The following LAMA3 variants were observed in gnomAD, a reference collection of about 807,000 sequenced individuals.
LAMA3 encodes the protein laminin subunit alpha-3.
Under a neutral mutation model 402.0 loss-of-function variants are expected in LAMA3, and 281 were observed. That is an observed-to-expected ratio of 0.70 (90% CI 0.63 to 0.77). The LOEUF (loss-of-function observed/expected upper bound fraction) is 0.77. LAMA3 is among the 30% of genes least tolerant of loss of function. The pLI, the probability that LAMA3 is intolerant of heterozygous loss-of-function variation, is 0.00. For synonymous variants in LAMA3, 1,431 were observed against 1,558.4 expected (o/e 0.92, Z 1.93); for missense variants, 3,840 against 4,215.5 (o/e 0.91, Z 2.47).
Position 23,840,377 on chromosome 18 carries a change from C to CTTTTT in LAMA3, c.3336+451_3336+452insTTTTT, listed in dbSNP as rs201657216. Among the ~76,000 whole-genome samples the CTTTTT allele has an allele frequency of 8.4e-4, 67 of 79,502 alleles. 7 individuals carry two copies. The highest frequency in any genetic ancestry group is 2.8e-3 in the South Asian group (7 of 2,532). The allele number at this position is 79,502 out of a possible 152,430, so 52.2% of individuals were successfully genotyped here. A position where few individuals can be genotyped will look rare whatever the true frequency, so the allele number is the denominator to read the frequency against. On this transcript the variant is annotated intron_variant, in intron 27 of 74. Transcript: ENST00000313654. ...ATAGTTATTGTAGCCAAGAACCTTT[C>CTTTTT]TTTCTTTTTTTTTTTTTTTTTTTGA...
At chr18:23,928,584 T>C (rs1259057955) in intron 63 of LAMA3, 41 bp from the exon 64 acceptor site, 1 of 1,604,092 alleles carries the variant, frequency 6.2e-7, no homozygotes, top group African/African-American at 1.3e-5. Context: ...AGCCAAGAAA[T>C]GATTACAATG....
At position 23,847,501 on chromosome 18, in the gene LAMA3, G is replaced by C; in HGVS notation, c.3969G>C (p.Thr1323=). Residue 1323 remains threonine, a synonymous_variant, in exon 32 of 75, where the codon ACG becomes ACC. Coordinates refer to ENST00000313654, the MANE Select transcript of LAMA3 (RefSeq NM_198129.4). ...GTCGGCGCCTTTGTGAAGAGATGAC[G>C]GGGCAGTGCCGCTGCCCTCCCCGCA... ...SCGRRLCEEM[T]GQCRCPPRTV... 6.2e-7 allele frequency: 1 copy of C among 1,613,388 alleles called. No individual in the cohort carries two copies. Among genetic ancestry groups the C allele is most frequent in the Non-Finnish European group, 8.5e-7 (1 of 1,179,744 alleles).
Position 23,813,038 on chromosome 18 carries a change from AT to A in LAMA3, c.1742-16del, listed in dbSNP as rs768789176. The A allele has an allele frequency of 1.2e-5, 19 of 1,582,390 alleles. No individual in the cohort carries two copies. The Admixed American group carries it at 3.2e-4, about 26-fold the overall frequency. On this transcript the variant is annotated intron_variant, in intron 13 of 74. Transcript: ENST00000313654. ...AAACAAACTACCAGATAATTTAAAA[AT>A]TTCTGAATCATATTCAGGTTCCAGC...
chr18:23,943,984 G>A lies in LAMA3; in HGVS notation c.9210+13G>A. 1 of 1,612,558 alleles carries A rather than the reference G, an allele frequency of 6.2e-7. No homozygotes were observed. Among genetic ancestry groups the A allele is most frequent in the Non-Finnish European group, 8.5e-7 (1 of 1,179,016 alleles). On this transcript the variant is annotated intron_variant, in intron 69 of 74. Coordinates refer to ENST00000313654, the MANE Select transcript of LAMA3 (RefSeq NM_198129.4). ...GAAATGGCACACGGTAAGAGCTGGGGCTGTGTCAGTATCTCCAGTTGGTGT... is the reference window on the plus strand; with the variant it reads ...GAAATGGCACACGGTAAGAGCTGGGACTGTGTCAGTATCTCCAGTTGGTGT...
At chr18:23,825,594 G>A (rs528554063) in intron 21 of LAMA3, among the ~76,000 whole-genome samples, 1 of 152,066 alleles carries the variant, frequency 6.6e-6, no homozygotes, top group South Asian at 2.1e-4. Context: ...AGACAACAAA[G>A]GAACATCAGA....
chr18:23,885,722 A>G (rs2144963895), intron 41 of LAMA3, among the ~76,000 whole-genome samples: 1 of 152,306 alleles, frequency 6.6e-6, no homozygotes, highest in Non-Finnish European at 1.5e-5. Flanking sequence ...AAAATTTAAA[A>G]TAACTTTCTC....
At position 23,928,165 on chromosome 18, in the gene LAMA3, T is replaced by A; in HGVS notation, c.8220T>A (p.Asn2740Lys). Residue 2740 changes from asparagine (N) to lysine (K), a missense_variant, in exon 63 of 75, where the codon AAT (asparagine) becomes AAA (lysine). By Grantham distance (94) the Asn-to-Lys change is moderately conservative (BLOSUM62 0). This residue lies in a region of LAMA3 where 840 missense variants were observed against 981.9 expected (regional missense o/e 0.86). Transcript: ENST00000313654. ...CTGCTTTCCGAGGCTGCATGAAAAA[T>A]TTGAAGAAAACCAGTGGTGTCGTTA... is the stretch of plus-strand genomic sequence containing the variant. Reference protein sequence around the residue: ...STPAFRGCMKNLKKTSGVVRL... With the variant: ...STPAFRGCMKKLKKTSGVVRL... 6.2e-7 allele frequency: 1 copy of A among 1,614,068 alleles called. No homozygotes were observed. The highest frequency in any genetic ancestry group is 8.5e-7 in the Non-Finnish European group (1 of 1,179,954).
In LAMA3 at chr18:23,822,334, C is replaced by A. The variant is rs17187262; in HGVS notation, c.2387C>A (p.Thr796Asn). Residue 796 changes from threonine to asparagine, a missense_variant, in exon 20 of 75, where the codon ACT becomes AAT. This residue lies in a region of LAMA3 where 2,109 missense variants were observed against 2,376.0 expected (regional missense o/e 0.89). Coordinates refer to ENST00000313654, the MANE Select transcript of LAMA3 (RefSeq NM_198129.4). ...ATTCTGAGATACGTTAACCCTGGAA[C>A]TGAAGCAGTATCTGGCCATATAACT... ...RVILRYVNPG[T>N]EAVSGHITIY... 0.031 allele frequency: 49,612 copies of A among 1,613,620 alleles called. 2,556 individuals are homozygous for A. Among genetic ancestry groups the A allele is most frequent in the Admixed American group, 0.23 (13,901 of 59,994 alleles).
At chr18:23,885,356 C>A (rs936067558) in intron 41 of LAMA3, among the ~76,000 whole-genome samples, 8 of 110,530 alleles carry the variant, frequency 7.2e-5, no homozygotes, top group Non-Finnish European at 1.7e-4. Flanking sequence ...CCCCACCCCA[C>A]ACACACCCCT....
chr18:23,823,508 T>C (rs1268650110), intron 20 of LAMA3, among the ~76,000 whole-genome samples: 1 of 152,212 alleles, frequency 6.6e-6, no homozygotes, highest in East Asian at 1.9e-4. Context: ...CCATGGTAAC[T>C]GGTGCCTCCT....
At chr18:23,745,069 T>G (rs1203452682) in intron 2 of LAMA3, among the ~76,000 whole-genome samples, 1 of 152,166 alleles carries the variant, frequency 6.6e-6, no homozygotes, top group Non-Finnish European at 1.5e-5. Flanking sequence ...ATGAAAATGT[T>G]GAATTTATGT....
At position 23,839,497 on chromosome 18, in the gene LAMA3, A is replaced by G. The variant is rs1433969295; in HGVS notation, c.3192-288A>G. 1.3e-5 allele frequency among the ~76,000 whole-genome samples: 2 copies of G among 152,254 alleles called. No homozygotes were observed. Among genetic ancestry groups the G allele is most frequent in the African/African-American group, 4.8e-5 (2 of 41,470 alleles). On this transcript the variant is annotated intron_variant, in intron 26 of 74. Coordinates refer to ENST00000313654, the MANE Select transcript of LAMA3 (RefSeq NM_198129.4). This position sits in a 1 kb window ranked among gnomAD's most constrained non-coding sequence, Gnocchi z 4.5. ...TTATTGTATTGATCTCATTTTAACA[A>G]TTAATTTTAGTTTTGGAAAGGGAAG...
At chr18:23,835,336 ACT>A (rs1431008627) in intron 24 of LAMA3, among the ~76,000 whole-genome samples, 1 of 152,156 alleles carries the variant, frequency 6.6e-6, no homozygotes, top group Non-Finnish European at 1.5e-5. Context: ...AACCCTGGTG[ACT>A]CTGAATCATC....
Position 23,838,878 on chromosome 18 carries a change from G to A in LAMA3, c.3191G>A (p.Ser1064Asn). ...AGTTATGGGCGATTTGTCAATCAAAGGTAATGTGTTTCCTTCCTGTCTCCC... is the reference window on the plus strand; with the variant it reads ...AGTTATGGGCGATTTGTCAATCAAAAGTAATGTGTTTCCTTCCTGTCTCCC... ...IASYGRFVNQ[S>N]ATCVSLAHET... Residue 1064 changes from serine to asparagine, a missense_variant and splice_region_variant, in exon 26 of 75, where the codon AGT (serine) becomes AAT (asparagine). Ser to Asn is a conservative substitution (Grantham distance 46). Coordinates refer to ENST00000313654, the MANE Select transcript of LAMA3 (RefSeq NM_198129.4). 1 of 1,579,964 alleles carries A rather than the reference G, an allele frequency of 6.3e-7. No homozygotes were observed. Among genetic ancestry groups the A allele is most frequent in the Non-Finnish European group, 8.7e-7 (1 of 1,148,788 alleles).
chr18:23,916,065 A>G (rs568443584), intron 59 of LAMA3, among the ~76,000 whole-genome samples: 24 of 151,128 alleles, frequency 1.6e-4, no homozygotes, highest in Admixed American at 1.4e-3. Context: ...AAAAGAAAAG[A>G]AAAGAAAAAG....
Position 23,931,046 on chromosome 18 carries a change from T to A in LAMA3, c.8437-16T>A. 1.2e-6 allele frequency: 2 copies of A among 1,610,444 alleles called. No homozygotes were observed. The highest frequency in any genetic ancestry group is 1.7e-6 in the Non-Finnish European group (2 of 1,176,598). Reference sequence around the variant, plus strand: ...TATGCAAATTAGTTGATGGGTATTTTCTATGGTGATTTCAGACAAGGAACC... The same window carrying A: ...TATGCAAATTAGTTGATGGGTATTTACTATGGTGATTTCAGACAAGGAACC... On this transcript the variant is annotated splice_polypyrimidine_tract_variant and intron_variant, in intron 64 of 74. Transcript: ENST00000313654.
At chr18:23,761,201 C>T (rs1364816427) in intron 7 of LAMA3, among the ~76,000 whole-genome samples, 1 of 152,130 alleles carries the variant, frequency 6.6e-6, no homozygotes, top group Non-Finnish European at 1.5e-5. Context: ...TTTGATGGTA[C>T]AGAGTTTTGT....
In LAMA3 at chr18:23,943,851, T is replaced by C. The variant is rs1379162353; in HGVS notation, c.9090T>C (p.Thr3030=). 1.2e-6 allele frequency: 2 copies of C among 1,614,004 alleles called. No homozygotes were observed. The highest frequency in any genetic ancestry group is 1.7e-4 in the Middle Eastern group (1 of 6,060). ...GAGGACTGGTGTTTCACACGGGCACTAAGAACTCCTTTATGGCTCTTTATC... is the reference window on the plus strand; with the variant it reads ...GAGGACTGGTGTTTCACACGGGCACCAAGAACTCCTTTATGGCTCTTTATC... ...SSRGLVFHTG[T]KNSFMALYLS... is the part of the protein sequence containing the mutation. The change falls in exon 69 of 75, where the codon ACT becomes ACC. Residue 3030 remains threonine (T), a synonymous_variant. Coordinates refer to ENST00000313654, the MANE Select transcript of LAMA3 (RefSeq NM_198129.4).
intron 29 of LAMA3, 24 bp downstream of exon 29, chr18:23,842,774 T>C: frequency 6.2e-7 from 1 of 1,613,984 alleles, no homozygotes; most frequent in Admixed American, 1.7e-5. Context: ...GTTCCTCAAC[T>C]TGCTCCTCAC....
Sources: gnomAD v4.1 joint callset for allele counts (sites outside exome capture counted in the v4.1 genomes callset) on GRCh38, gnomAD v4.1.1 for gene constraint, gnomAD v4.1.1 regional missense constraint, Gnocchi (gnomAD v3.1) non-coding constraint, MANE v1.5 for transcripts, NCBI Gene and HGNC (gene_info 2026-07-23, HGNC 2026-07-21) for gene names.